Variants in VPS8 observed in about 807,000 individuals in gnomAD.
The protein encoded by VPS8 is vacuolar protein sorting-associated protein 8 homolog.
A neutral mutation model predicts 216.4 loss-of-function variants in VPS8; 129 were observed. The ratio of observed to expected loss-of-function variants is 0.60; its 90% confidence interval spans 0.52 to 0.69. The LOEUF (loss-of-function observed/expected upper bound fraction) is 0.69. VPS8 is among the 30% of genes least tolerant of loss of function. The probability of loss-of-function intolerance (pLI) is 0.00; values close to 1 mark genes in which losing one functional copy is unlikely to be tolerated. For synonymous variants in VPS8, 571 were observed against 565.4 expected (o/e 1.01, Z -0.14); for missense variants, 1,531 against 1,683.5 (o/e 0.91, Z 1.59).
At chr3:184,976,191 A>G (rs1175842307) in intron 40 of VPS8, among the ~76,000 whole-genome samples, 1 of 152,124 alleles carries the variant, frequency 6.6e-6, no homozygotes, top group African/African-American at 2.4e-5. Context: ...TCTCCTCTTC[A>G]CATACCTACT....
At chr3:184,835,679 G>A (rs982512304) in intron 5 of VPS8, among the ~76,000 whole-genome samples, 8 of 149,366 alleles carry the variant, frequency 5.4e-5, no homozygotes, top group Non-Finnish European at 1.2e-4. Flanking sequence ...GCATATCCAA[G>A]TTGGACAAGA....
At chr3:184,833,638 C>G (rs935680953) in intron 4 of VPS8, among the ~76,000 whole-genome samples, 2 of 152,190 alleles carry the variant, frequency 1.3e-5, no homozygotes, top group African/African-American at 4.8e-5. Flanking sequence ...GCCACGCTTA[C>G]TGTTTTGACC....
intron 37 of VPS8, among the ~76,000 whole-genome samples, chr3:184,961,494 T>C (rs561680875): frequency 6.6e-6 from 1 of 152,160 alleles, no homozygotes; most frequent in Non-Finnish European, 1.5e-5. Flanking sequence ...CTTAGTTCTT[T>C]GTTATCTTAT....
intron 47 of VPS8, among the ~76,000 whole-genome samples, chr3:185,050,123 A>ATTTTTT (rs397939506): frequency 7.2e-6 from 1 of 139,388 alleles, no homozygotes; most frequent in Non-Finnish European, 1.6e-5. Flanking sequence ...CTGGGAAATA[A>ATTTTTT]TTTTTTTTTT....
rs1714379721 is a variant in VPS8, at chr3:185,052,078, G to A, written c.*53G>A. 1 of 1,550,324 alleles carries A rather than the reference G, an allele frequency of 6.5e-7. No individual in the cohort carries two copies. The highest frequency in any genetic ancestry group is 1.4e-5 in the African/African-American group (1 of 73,402). On this transcript the variant is annotated 3_prime_UTR_variant, in exon 48 of 48. Transcript: ENST00000625842. ...ACCAGAGATGATCCCGAGGCAGCTG[G>A]GGAGAGGCCCCGCCTCTGGTGGGCT...
At chr3:184,853,154 T>C (rs1577904738) in intron 11 of VPS8, among the ~76,000 whole-genome samples, 2 of 152,202 alleles carry the variant, frequency 1.3e-5, no homozygotes, top group African/African-American at 4.8e-5. Context: ...TCAGTTAATG[T>C]TTATTGAGCA....
At position 184,936,330 on chromosome 3, in the gene VPS8, C is replaced by T. The variant is rs1339088662; in HGVS notation, c.2983C>T (p.Leu995Phe). 6.2e-7 allele frequency: 1 copy of T among 1,608,220 alleles called. No individual in the cohort carries two copies. The highest frequency in any genetic ancestry group is 1.1e-5 in the South Asian group (1 of 89,706). Reference sequence around the variant, plus strand: ...ACATATTGAAACGGTCATTAAAAAACTTCAGGTACATATTGCAAATATATA... The same window carrying T: ...ACATATTGAAACGGTCATTAAAAAATTTCAGGTACATATTGCAAATATATA... Reference protein sequence around the residue: ...SGHIETVIKKLQNQVLLFKFL... With the variant: ...SGHIETVIKKFQNQVLLFKFL... Residue 995 changes from leucine to phenylalanine, a missense_variant, in exon 35 of 48, where the codon CTT becomes TTT. Leu to Phe is a conservative substitution (Grantham distance 22). Around this residue, in one of 3 missense-constraint regions of VPS8, gnomAD observed 1,318 missense variants for 1,468.4 expected, o/e 0.90. Transcript: ENST00000625842.
chr3:185,006,170 C>G (rs763259598), intron 45 of VPS8, among the ~76,000 whole-genome samples: 4 of 152,104 alleles, frequency 2.6e-5, no homozygotes, highest in Non-Finnish European at 5.9e-5. Flanking sequence ...TTAAATTTTC[C>G]TCTAGCTCTC....
chr3:184,826,320 C>T (rs752566032), intron 3 of VPS8, 89 bp downstream of exon 3: 22 of 952,072 alleles, frequency 2.3e-5, no homozygotes, highest in African/African-American at 3.3e-5. Context: ...CACCTAGATG[C>T]GCACTTTCCA....
At chr3:184,976,398 T>A (rs1384010232) in intron 40 of VPS8, among the ~76,000 whole-genome samples, 1 of 152,116 alleles carries the variant, frequency 6.6e-6, no homozygotes, top group East Asian at 1.9e-4. Flanking sequence ...TTTTTTGTTT[T>A]TTCATTTAAC....
chr3:184,985,330 A>G (rs1750898419), intron 42 of VPS8, among the ~76,000 whole-genome samples: 2 of 152,176 alleles, frequency 1.3e-5, no homozygotes, highest in East Asian at 3.9e-4. Flanking sequence ...GTTCTTTTTT[A>G]TTATGTCATG....
rs772149266 is a variant in VPS8 at position 184,924,885 on chromosome 3, T to C, written c.2478T>C (p.Phe826=). Residue 826 remains phenylalanine, a synonymous_variant, in exon 30 of 48, where the codon TTT becomes TTC. Transcript: ENST00000625842. ...LLKVMVENSD[F]TPSQVGCLFT... ...AGGTTATGGTGGAGAATTCAGACTTTACCCCCTCACAAGTAGGATGTCTCT... is the reference window on the plus strand; with the variant it reads ...AGGTTATGGTGGAGAATTCAGACTTCACCCCCTCACAAGTAGGATGTCTCT... 2.6e-5 allele frequency: 42 copies of C among 1,613,506 alleles called. No homozygotes were observed. Among genetic ancestry groups the C allele is most frequent in the Non-Finnish European group, 2.3e-5 (27 of 1,179,736 alleles).
intron 1 of VPS8, among the ~76,000 whole-genome samples, chr3:184,820,399 T>C (rs1577703980): frequency 6.6e-6 from 1 of 152,136 alleles, no homozygotes; most frequent in East Asian, 1.9e-4. Flanking sequence ...GCCTCTCTCT[T>C]CCCCTTTCAA....
intron 45 of VPS8, among the ~76,000 whole-genome samples, chr3:185,009,399 A>T (rs1329222433): frequency 6.6e-6 from 1 of 152,212 alleles, no homozygotes; most frequent in Non-Finnish European, 1.5e-5. Flanking sequence ...AAACTGAGAC[A>T]CATTAAAAAT....
At chr3:184,963,830 G>A (rs148742593) in intron 37 of VPS8, among the ~76,000 whole-genome samples, 75 of 151,976 alleles carry the variant, frequency 4.9e-4, no homozygotes, top group African/African-American at 1.4e-3. Context: ...GTCATGATTC[G>A]GTGCTGTATT....
rs748288216 is a variant in VPS8, at chr3:184,866,878, T to G, written c.1398T>G (p.Ala466=). ...ATGGNVSQAL[A]LVGEKACYQS... ...TTGTATGTATGTTTTTCTTCCAGGC[T>G]TTGGTTGGAGAGAAGGCTTGTTATC... is the stretch of plus-strand genomic sequence containing the variant. Residue 466 remains alanine (A), a splice_region_variant and synonymous_variant, in exon 17 of 48, where the codon GCT becomes GCG. Transcript: ENST00000625842. The G allele has an allele frequency of 3.7e-6, 6 of 1,609,972 alleles. No individual in the cohort carries two copies. The South Asian group carries it at 6.7e-5, about 18-fold the overall frequency.
chr3:184,936,359 G>T, intron 35 of VPS8, 24 bp downstream of exon 35: 1 of 1,571,266 alleles, frequency 6.4e-7, no homozygotes, highest in East Asian at 2.3e-5. Context: ...ATATATATTG[G>T]GGAAAAATAT....
At chr3:184,959,620 A>AT (rs1746161895) in intron 37 of VPS8, among the ~76,000 whole-genome samples, 1 of 152,042 alleles carries the variant, frequency 6.6e-6, no homozygotes, top group African/African-American at 2.4e-5. Context: ...GTCATAAAAA[A>AT]TTTTTTCAGT....
At chr3:185,014,827 C>G (rs1250702806) in intron 45 of VPS8, among the ~76,000 whole-genome samples, 4 of 152,186 alleles carry the variant, frequency 2.6e-5, no homozygotes, top group African/African-American at 9.7e-5. Context: ...GTAGCTAGAG[C>G]TTGGCTAGTA....
Sources: gnomAD v4.1 joint callset for allele counts (sites outside exome capture counted in the v4.1 genomes callset) on GRCh38, gnomAD v4.1.1 for gene constraint, gnomAD v4.1.1 regional missense constraint, MANE v1.5 for transcripts, NCBI Gene and HGNC (gene_info 2026-07-23, HGNC 2026-07-21) for gene names.